STX3: variants seen among roughly 807,000 people sequenced by gnomAD.
The protein encoded by STX3 is syntaxin-3.
A neutral mutation model predicts 40.2 loss-of-function variants in STX3; 19 were observed. That is an observed-to-expected ratio of 0.47 (90% CI 0.33 to 0.69). The LOEUF is 0.69. Among genes scored for constraint, STX3 ranks in the 30% least tolerant of loss-of-function variants. STX3 has a pLI of 0.02. For synonymous variants in STX3, 122 were observed against 132.2 expected (o/e 0.92, Z 0.53); for missense variants, 364 against 366.7 (o/e 0.99, Z 0.06).
rs1486741928 is a variant in STX3 at position 59,795,748 on chromosome 11, C to T, written c.786+266C>T. The T allele has an allele frequency of 4.0e-6, 6 of 1,515,036 alleles. No individual in the cohort carries two copies. In the Admixed American group the frequency reaches 9.8e-5, roughly 25 times the overall value. The allele number at this position is 1,515,036 out of a possible 1,614,324, so 93.8% of individuals were successfully genotyped here. A position where few individuals can be genotyped will look rare whatever the true frequency, so the allele number is the denominator to read the frequency against. On this transcript the variant is annotated intron_variant, in intron 9 of 10. Transcript: ENST00000337979. ...TCATCTCAACTGTCCTTCGTCTCAGCTGTCTTACTAGTATCTCTTCTCCCT... is the reference window on the plus strand; with the variant it reads ...TCATCTCAACTGTCCTTCGTCTCAGTTGTCTTACTAGTATCTCTTCTCCCT...
rs1179179754 is a variant in STX3 at position 59,788,935 on chromosome 11, A to G, written c.277A>G (p.Asn93Asp). Residue 93 changes from asparagine (N) to aspartate (D), a missense_variant, in exon 4 of 11, where the codon AAC becomes GAC. Coordinates refer to ENST00000337979, the MANE Select transcript of STX3 (RefSeq NM_004177.5). ...TAAGAAAAGGGCCAACAACGTCCGG[A>G]ACAAACTGAAGAGTAAGAAGGGAAC... ...EIKKRANNVRNKLKSMEKHIE... is the reference protein window; with the variant it reads ...EIKKRANNVRDKLKSMEKHIE... 6.2e-7 allele frequency: 1 copy of G among 1,609,914 alleles called. No homozygotes were observed. The highest frequency in any genetic ancestry group is 1.1e-5 in the South Asian group (1 of 90,226).
intron 2 of STX3, among the ~76,000 whole-genome samples, chr11:59,786,243 C>CT (rs1333761860): frequency 0.013 from 1,802 of 135,498 alleles, 19 homozygotes; most frequent in African/African-American, 0.029. Flanking sequence ...TTCTTTCTTT[C>CT]TTTTTTTTTT....
At chr11:59,760,236 T>C (rs1369785056) in intron 1 of STX3, among the ~76,000 whole-genome samples, 1 of 152,108 alleles carries the variant, frequency 6.6e-6, no homozygotes, top group Admixed American at 6.5e-5. Flanking sequence ...GGGACACTTG[T>C]TCATGTTGTC....
At position 59,802,168 on chromosome 11, in the gene STX3, G is replaced by A; in HGVS notation, c.*1344G>A. ...GTTGGGGAACACCAGAGGCTACACAGTAGCTCTTCCTGCTACTCGGTTAAT... is the reference window on the plus strand; with the variant it reads ...GTTGGGGAACACCAGAGGCTACACAATAGCTCTTCCTGCTACTCGGTTAAT... On this transcript the variant is annotated 3_prime_UTR_variant, in exon 11 of 11. Coordinates refer to ENST00000337979, the MANE Select transcript of STX3 (RefSeq NM_004177.5). The A allele has an allele frequency of 6.1e-6, 6 of 985,446 alleles. No homozygotes were observed. Among genetic ancestry groups the A allele is most frequent in the Non-Finnish European group, 7.2e-6 (6 of 829,958 alleles). 61.0% of individuals were successfully genotyped at this position (985,446 alleles called of 1,614,324 possible).
intron 2 of STX3, among the ~76,000 whole-genome samples, chr11:59,773,955 G>C (rs1013591000): frequency 3.1e-4 from 41 of 134,110 alleles, no homozygotes; most frequent in Non-Finnish European, 4.9e-4. Context: ...GGGTGACAGA[G>C]TGAGACTTTG....
chr11:59,778,501 C>A (rs1590786647), intron 2 of STX3, among the ~76,000 whole-genome samples: 1 of 152,208 alleles, frequency 6.6e-6, no homozygotes, highest in East Asian at 1.9e-4. Flanking sequence ...CTGGGGCTGG[C>A]AATGCCACTA....
chr11:59,755,766 T>G, intron 1 of STX3, 131 bp downstream of exon 1: 1 of 1,269,894 alleles, frequency 7.9e-7, no homozygotes, highest in East Asian at 3.0e-5. Context: ...CCCCACCGCT[T>G]CCCGCGCCGG....
intron 9 of STX3, 132 bp downstream of exon 9, chr11:59,795,614 G>T: frequency 6.5e-7 from 1 of 1,540,540 alleles, no homozygotes; most frequent in South Asian, 1.2e-5. Context: ...ATCCATGATT[G>T]ACCGTATTGA....
rs1463060246 is a variant in STX3 at position 59,804,180 on chromosome 11, TA to T, written c.*3358del. ...GAAGGGGCAGATATCATAGCACACC[TA>T]ACTCAACAGGATCTTACTTGAACTG... On this transcript the variant is annotated 3_prime_UTR_variant, in exon 11 of 11. Coordinates refer to ENST00000337979, the MANE Select transcript of STX3 (RefSeq NM_004177.5). The T allele has an allele frequency of 1.3e-5, 2 of 152,216 alleles. No individual in the cohort carries two copies. The highest frequency in any genetic ancestry group is 2.4e-5 in the African/African-American group (1 of 41,452). The allele number at this position is 152,216 out of a possible 1,614,324, so 9.4% of individuals were successfully genotyped here.
At position 59,757,233 on chromosome 11, in the gene STX3, C is replaced by T. The variant is rs1046726780; in HGVS notation, c.30+1598C>T. Among the ~76,000 whole-genome samples, 4 of 152,248 alleles carry T rather than the reference C, an allele frequency of 2.6e-5. No individual in the cohort carries two copies. The South Asian group carries it at 8.3e-4, about 32-fold the overall frequency. On this transcript the variant is annotated intron_variant, in intron 1 of 10. Coordinates refer to ENST00000337979, the MANE Select transcript of STX3 (RefSeq NM_004177.5). ...AGGAACCCAGGCTCTTGACACTCTC[C>T]ACAGTGCTCCTTCCCTTGAAGCACG...
intron 2 of STX3, among the ~76,000 whole-genome samples, chr11:59,777,449 C>T (rs946149194): frequency 6.6e-6 from 1 of 152,178 alleles, no homozygotes; most frequent in Non-Finnish European, 1.5e-5. Flanking sequence ...TTAGAAAATT[C>T]ACTCCGATGG....
At chr11:59,792,247 A>T in intron 6 of STX3, 32 bp downstream of exon 6, 1 of 1,581,240 alleles carries the variant, frequency 6.3e-7, no homozygotes, top group African/African-American at 1.3e-5. Context: ...TGTGCCCTCC[A>T]CCTTTCCTGC....
At chr11:59,760,881 C>T (rs1459676349) in intron 1 of STX3, among the ~76,000 whole-genome samples, 1 of 152,218 alleles carries the variant, frequency 6.6e-6, no homozygotes, top group Non-Finnish European at 1.5e-5. Context: ...GCCTCTGATG[C>T]AACAGCAGTT....
chr11:59,800,452 C>CT, intron 10 of STX3: 1 of 985,322 alleles, frequency 1.0e-6, no homozygotes, highest in Non-Finnish European at 1.2e-6. Context: ...TCATTGTGTC[C>CT]TTCTGTTTTC....
intron 2 of STX3, among the ~76,000 whole-genome samples, chr11:59,778,431 A>C (rs1033216366): frequency 6.6e-6 from 1 of 152,166 alleles, no homozygotes; most frequent in African/African-American, 2.4e-5. Context: ...CAGGAAAGTG[A>C]GTACTCAGCA....
chr11:59,777,748 C>G (rs1052133581), intron 2 of STX3, among the ~76,000 whole-genome samples: 3 of 152,172 alleles, frequency 2.0e-5, no homozygotes, highest in Non-Finnish European at 4.4e-5. Flanking sequence ...CTGTGATTAT[C>G]TATTGTTATA....
chr11:59,801,227 T>C lies in STX3; in HGVS notation c.*403T>C, dbSNP rs1158872727. 30 of 1,081,574 alleles carry C rather than the reference T, an allele frequency of 2.8e-5. No homozygotes were observed. In the South Asian group the frequency reaches 9.8e-4, roughly 35 times the overall value. 67.0% of individuals were successfully genotyped at this position (1,081,574 alleles called of 1,614,324 possible). On this transcript the variant is annotated 3_prime_UTR_variant, in exon 11 of 11. Transcript: ENST00000337979. ...GTATTCTCCCAGAAACTGCAATGTA[T>C]TTTTTTAGGGGAGTATCTTTAACAA...
rs768252504 is a variant in STX3 at position 59,790,534 on chromosome 11, T to C, written c.305T>C (p.Ile102Thr). The C allele has an allele frequency of 6.2e-7, 1 of 1,613,996 alleles. No homozygotes were observed. The highest frequency in any genetic ancestry group is 2.2e-5 in the East Asian group (1 of 44,888). ...TCCTCTTTAGGCATGGAGAAGCATATTGAAGAAGATGAGGTCAGGTCATCG... is the reference window on the plus strand; with the variant it reads ...TCCTCTTTAGGCATGGAGAAGCATACTGAAGAAGATGAGGTCAGGTCATCG... ...RNKLKSMEKH[I>T]EEDEVRSSAD... Residue 102 changes from isoleucine to threonine, a missense_variant, in exon 5 of 11, where the codon ATT becomes ACT. Physicochemically the swap from Ile to Thr is moderately conservative, Grantham distance 89. Transcript: ENST00000337979.
intron 1 of STX3, among the ~76,000 whole-genome samples, chr11:59,769,018 A>G (rs1229614424): frequency 6.6e-6 from 1 of 152,118 alleles, no homozygotes; most frequent in Non-Finnish European, 1.5e-5. Flanking sequence ...GTATCCATTA[A>G]GTAATTTCTT....
Sources: gnomAD v4.1 joint callset for allele counts (sites outside exome capture counted in the v4.1 genomes callset) on GRCh38, gnomAD v4.1.1 for gene constraint, MANE v1.5 for transcripts, NCBI Gene and HGNC (gene_info 2026-07-23, HGNC 2026-07-21) for gene names.